Variants in COX7A2L observed in about 807,000 individuals in gnomAD.
The protein encoded by COX7A2L is cytochrome c oxidase subunit 7A2 like.
In COX7A2L, 18 loss-of-function variants were observed where a neutral mutation model predicts 14.2. The observed-to-expected ratio is 1.27, with a 90% CI of 0.88 to 1.88. The LOEUF is 1.88. Ranked by LOEUF, COX7A2L falls within the 40% of genes most tolerant of loss-of-function variation. The probability of loss-of-function intolerance (pLI) is 0.00; values close to 1 mark genes in which losing one functional copy is unlikely to be tolerated. For synonymous variants in COX7A2L, 65 were observed against 57.4 expected, an observed-to-expected ratio of 1.13 and a Z score of -0.60; for missense variants, 179 against 138.8, an observed-to-expected ratio of 1.29 and a Z score of -1.46.
At position 42,353,152 on chromosome 2, in the gene COX7A2L, A is replaced by G. The variant is rs765098111; in HGVS notation, c.204+60T>C. 5 of 1,577,130 alleles carry G rather than the reference A, an allele frequency of 3.2e-6. No individual in the cohort carries two copies. The East Asian group carries it at 9.0e-5, about 28-fold the overall frequency. On this transcript the variant is annotated intron_variant, in intron 2 of 2. Transcript: ENST00000234301. ...AACTAGATTAAGATTTAGTTTCATA[A>G]GGGATTTTTTAAGCCTATTTATTTC... is the stretch of plus-strand genomic sequence containing the variant.
rs1671030631 is a variant in COX7A2L, at chr2:42,361,216, G to A, written c.-55C>T. The A allele has an allele frequency of 1.3e-5, 20 of 1,510,640 alleles. No individual in the cohort carries two copies. The highest frequency in any genetic ancestry group is 2.7e-5 in the African/African-American group (2 of 72,850). 93.6% of individuals were successfully genotyped at this position (1,510,640 alleles called of 1,614,324 possible). A position where few individuals can be genotyped will look rare whatever the true frequency, so the allele number is the denominator to read the frequency against. On this transcript the variant is annotated 5_prime_UTR_variant, in exon 1 of 3. Coordinates refer to ENST00000234301, the MANE Select transcript of COX7A2L (RefSeq NM_004718.4). Reference sequence around the variant, plus strand: ...CTGCCAACGCGACCGCCCCAGAGAAGGACCCCGCCTCCCCGGCTGTGGTCC... The same window carrying A: ...CTGCCAACGCGACCGCCCCAGAGAAAGACCCCGCCTCCCCGGCTGTGGTCC...
intron 2 of COX7A2L, among the ~76,000 whole-genome samples, chr2:42,340,913 G>C (rs893995149): frequency 9.9e-5 from 15 of 152,202 alleles, no homozygotes; most frequent in African/African-American, 3.6e-4. Flanking sequence ...TGATGGCAAA[G>C]GTGGGGCAAA....
At chr2:42,359,614 C>G (rs914056449) in intron 1 of COX7A2L, 6 of 152,160 alleles carry the variant, frequency 3.9e-5, no homozygotes, top group Non-Finnish European at 8.8e-5. Flanking sequence ...CTCATCCGGA[C>G]TATTCTTTAA....
At chr2:42,346,371 A>G (rs1670498848), downstream of COX7A2L, among the ~76,000 whole-genome samples, 2 of 152,186 alleles carry the variant, frequency 1.3e-5, no homozygotes, top group South Asian at 4.1e-4. Context: ...TTTGTGTATC[A>G]GCTGGATTTA....
Position 42,351,055 on chromosome 2 carries a change from C to A in COX7A2L, c.*164G>T. On this transcript the variant is annotated 3_prime_UTR_variant, in exon 3 of 3. Transcript: ENST00000234301. ...AACTGTCGAATGAGCTCTGACAAGC[C>A]ATATGCATTTCATAAACAAACCAAA... is the stretch of plus-strand genomic sequence containing the variant. 1.4e-6 allele frequency: 1 copy of A among 701,314 alleles called. No individual in the cohort carries two copies. Among genetic ancestry groups the A allele is most frequent in the Non-Finnish European group, 2.3e-6 (1 of 436,884 alleles). 43.4% of individuals were successfully genotyped at this position (701,314 alleles called of 1,614,324 possible). A position where few individuals can be genotyped will look rare whatever the true frequency, so the allele number is the denominator to read the frequency against.
intron 1 of COX7A2L, among the ~76,000 whole-genome samples, chr2:42,354,326 T>G (rs1339441544): frequency 6.6e-6 from 1 of 152,012 alleles, no homozygotes; most frequent in Non-Finnish European, 1.5e-5. Flanking sequence ...AAACCTACAG[T>G]GACAAATATA....
At chr2:42,345,278 G>A (rs1004324418), downstream of COX7A2L, among the ~76,000 whole-genome samples, 2 of 152,072 alleles carry the variant, frequency 1.3e-5, no homozygotes, top group African/African-American at 4.8e-5. Flanking sequence ...AGCTACTCAG[G>A]AGGCTGAGGC....
At chr2:42,336,485 TTTC>T (rs1392728581) in intron 2 of COX7A2L, among the ~76,000 whole-genome samples, 2 of 152,136 alleles carry the variant, frequency 1.3e-5, no homozygotes, top group African/African-American at 2.4e-5. Flanking sequence ...GGAAAAGGAA[TTTC>T]TTAATATGCA....
chr2:42,337,704 ACT>A (rs1388816099), intron 2 of COX7A2L, among the ~76,000 whole-genome samples: 1 of 151,098 alleles, frequency 6.6e-6, no homozygotes. Context: ...GGTTCATGGG[ACT>A]CTTATTTTTG....
rs1344333799 is a variant in COX7A2L at position 42,336,497 on chromosome 2, C to T, written c.193-2628G>A. 2.0e-5 allele frequency among the ~76,000 whole-genome samples: 3 copies of T among 152,144 alleles called. 1 individual carries two copies. Among genetic ancestry groups the T allele is most frequent in the Non-Finnish European group, 4.4e-5 (3 of 68,014 alleles). ...GGAGGAAAAGGAATTTCTTAATATG[C>T]AAAGCCTTCAGCCTGGTCATCCCAT... On this transcript the variant is annotated intron_variant, in intron 2 of 2. Transcript: ENST00000468711.
At chr2:42,346,817 A>T (rs1338787486), downstream of COX7A2L, among the ~76,000 whole-genome samples, 4 of 151,776 alleles carry the variant, frequency 2.6e-5, no homozygotes, top group African/African-American at 7.3e-5. Context: ...TATCTTTTTT[A>T]AAAAAATGTT....
downstream of COX7A2L, among the ~76,000 whole-genome samples, chr2:42,349,069 G>C (rs780435976): frequency 7.2e-5 from 11 of 152,120 alleles, no homozygotes; most frequent in Non-Finnish European, 1.3e-4. Context: ...TCCTCAAAAT[G>C]TTAAACAGAG....
At chr2:42,343,224 G>A (rs567148481) in intron 2 of COX7A2L, among the ~76,000 whole-genome samples, 8 of 152,238 alleles carry the variant, frequency 5.3e-5, no homozygotes, top group African/African-American at 9.6e-5. Context: ...ACCAAACCCC[G>A]CCAGTCACAG....
chr2:42,351,232 G>A lies in COX7A2L; in HGVS notation c.332C>T (p.Pro111Leu). Residue 111 changes from proline to leucine, a missense_variant, in exon 3 of 3, where the codon CCC becomes CTC. By Grantham distance (98) the Pro-to-Leu change is moderately conservative (BLOSUM62 -3). Coordinates refer to ENST00000234301, the MANE Select transcript of COX7A2L (RefSeq NM_004718.4). Reference sequence around the variant, plus strand: ...CTGCAGCCTAACTCATTTGTTTTTGGGCTGCGAAGCCATGTAGAGGGCGAT... The same window carrying A: ...CTGCAGCCTAACTCATTTGTTTTTGAGCTGCGAAGCCATGTAGAGGGCGAT... Reference protein sequence around the residue: ...CLIALYMASQPKNK With the variant: ...CLIALYMASQLKNK 1 of 1,613,518 alleles carries A rather than the reference G, an allele frequency of 6.2e-7. No homozygotes were observed. The highest frequency in any genetic ancestry group is 1.1e-5 in the South Asian group (1 of 90,978).
rs571122902 is a variant in COX7A2L at position 42,339,214 on chromosome 2, T to G, written c.193-5345A>C. Among the ~76,000 whole-genome samples the G allele has an allele frequency of 6.6e-6, 1 of 152,344 alleles. No homozygotes were observed. Among genetic ancestry groups the G allele is most frequent in the South Asian group, 2.1e-4 (1 of 4,830 alleles). ...TTTTTTTATTAACCATTATCAAGTT[T>G]AAACACAAGGATTTGCCAGGGAGGG... On this transcript the variant is annotated intron_variant, in intron 2 of 2. Transcript: ENST00000468711. The surrounding 1 kb of genome is among the most constrained non-coding windows in gnomAD (Gnocchi z 5.4).
At chr2:42,341,254 A>T (rs1310303837) in intron 2 of COX7A2L, among the ~76,000 whole-genome samples, 1 of 151,960 alleles carries the variant, frequency 6.6e-6, no homozygotes, top group Non-Finnish European at 1.5e-5. Flanking sequence ...CCCTGATGAG[A>T]ACTCACATCT....
chr2:42,356,274 T>G (rs953580191), intron 1 of COX7A2L, among the ~76,000 whole-genome samples: 1 of 152,150 alleles, frequency 6.6e-6, no homozygotes, highest in African/African-American at 2.4e-5. Context: ...CTGCATGTCC[T>G]CCCCCTTGCC....
upstream of COX7A2L, among the ~76,000 whole-genome samples, chr2:42,366,107 G>A (rs1453560548): frequency 6.6e-6 from 1 of 152,152 alleles, no homozygotes; most frequent in Non-Finnish European, 1.5e-5. Context: ...TTTGTCTATA[G>A]AAAAGCTACC....
intron 2 of COX7A2L, among the ~76,000 whole-genome samples, chr2:42,336,836 T>C (rs1012990379): frequency 2.6e-5 from 4 of 151,988 alleles, no homozygotes; most frequent in African/African-American, 9.7e-5. Context: ...GGGGAGTTTA[T>C]GTGGGACTCA....
Sources: gnomAD v4.1 joint callset for allele counts (sites outside exome capture counted in the v4.1 genomes callset) on GRCh38, gnomAD v4.1.1 for gene constraint, Gnocchi (gnomAD v3.1) non-coding constraint, MANE v1.5 for transcripts, NCBI Gene and HGNC (gene_info 2026-07-23, HGNC 2026-07-21) for gene names.